ITLN1: variants seen among roughly 807,000 people sequenced by gnomAD.
The protein encoded by ITLN1 is intelectin 1.
In ITLN1, 29 loss-of-function variants were observed where a neutral mutation model predicts 36.2. The observed-to-expected ratio is 0.80, with a 90% CI of 0.60 to 1.09. ITLN1 has a LOEUF of 1.09. Ranked by LOEUF, ITLN1 falls within the 50% of genes least tolerant of loss-of-function variation. The probability of loss-of-function intolerance (pLI) is 0.00; values close to 1 mark genes in which losing one functional copy is unlikely to be tolerated. For synonymous variants in ITLN1, 143 were observed against 146.5 expected (o/e 0.98, Z 0.17); for missense variants, 358 against 405.2 (o/e 0.88, Z 1.00).
In ITLN1 at chr1:160,882,301, T is replaced by A; in HGVS notation, c.158-97A>T. On this transcript the variant is annotated intron_variant, in intron 3 of 7. Transcript: ENST00000326245. ...GGCCCTAGGAACCAGAGACATGGCC[T>A]AAAGGCTCCTGTCCTGACTCACATC... The A allele has an allele frequency of 3.4e-6, 5 of 1,466,116 alleles. No homozygotes were observed. In the South Asian group the frequency reaches 7.0e-5, roughly 20 times the overall value. 90.8% of individuals were successfully genotyped at this position (1,466,116 alleles called of 1,614,324 possible).
chr1:160,881,344 G>T (rs763552510), intron 4 of ITLN1, 32 bp from the exon 5 acceptor site: 19 of 1,535,572 alleles, frequency 1.2e-5, no homozygotes, highest in Non-Finnish European at 1.5e-5. Context: ...GCCTGACTGG[G>T]CCAGGAGGTC....
chr1:160,881,180 C>G lies in ITLN1; in HGVS notation c.538G>C (p.Gly180Arg), dbSNP rs758701428. The change falls in exon 5 of 8, where the codon GGA becomes CGA. Residue 180 changes from glycine to arginine, a missense_variant. Coordinates refer to ENST00000326245, the MANE Select transcript of ITLN1 (RefSeq NM_017625.3). ...TGGTAGATGCCAAACAGATTATGTC[C>G]CAGTGTCTGGAGGAAGCCAGTGTCC... Reference protein sequence around the residue: ...RTDTGFLQTLGHNLFGIYQKY... With the variant: ...RTDTGFLQTLRHNLFGIYQKY... 1 of 1,612,600 alleles carries G rather than the reference C, an allele frequency of 6.2e-7. No homozygotes were observed. The highest frequency in any genetic ancestry group is 8.5e-7 in the Non-Finnish European group (1 of 1,179,134).
At chr1:160,884,944 C>A in intron 1 of ITLN1, 61 bp from the exon 2 acceptor site, 1 of 1,065,996 alleles carries the variant, frequency 9.4e-7, no homozygotes, top group Middle Eastern at 2.0e-4. Context: ...ATCCCTGCCC[C>A]ACCCCTGTCC....
At chr1:160,879,215 C>T (rs1670639286) in intron 7 of ITLN1, 96 bp downstream of exon 7, 2 of 881,404 alleles carry the variant, frequency 2.3e-6, no homozygotes, top group African/African-American at 3.3e-5. Context: ...ACACACACAC[C>T]CCAGTCATAC....
intron 6 of ITLN1, among the ~76,000 whole-genome samples, chr1:160,880,054 C>T (rs770582809): frequency 2.0e-5 from 3 of 152,054 alleles, no homozygotes; most frequent in Non-Finnish European, 4.4e-5. Flanking sequence ...ACCTGTAATC[C>T]CAACACTTTG....
At chr1:160,884,403 T>C (rs1278644579) in intron 2 of ITLN1, among the ~76,000 whole-genome samples, 1 of 150,930 alleles carries the variant, frequency 6.6e-6, no homozygotes, top group Non-Finnish European at 1.5e-5. Flanking sequence ...GCCTTTTCTT[T>C]AAAAAAAAAA....
At position 160,880,646 on chromosome 1, in the gene ITLN1, C is replaced by T; in HGVS notation, c.627G>A (p.Val209=). ...TCTGGGCGTCGCCAAAATCATAGAC[C>T]ACAGGGATCACCGGGCCGTTGTCAG... ...CWTDNGPVIP[V]VYDFGDAQKT... is the part of the protein sequence containing the mutation. Residue 209 remains valine (V), a synonymous_variant, in exon 6 of 8, where the codon GTG becomes GTA. Transcript: ENST00000326245. The T allele has an allele frequency of 1.2e-6, 2 of 1,614,052 alleles. No individual in the cohort carries two copies. The highest frequency in any genetic ancestry group is 8.5e-7 in the Non-Finnish European group (1 of 1,179,962).
At position 160,880,640 on chromosome 1, in the gene ITLN1, A is replaced by G; in HGVS notation, c.633T>C (p.Tyr211=). Residue 211 remains tyrosine (Y), a synonymous_variant, in exon 6 of 8, where the codon TAT becomes TAC. Coordinates refer to ENST00000326245, the MANE Select transcript of ITLN1 (RefSeq NM_017625.3). ...TDNGPVIPVV[Y]DFGDAQKTAS... ...CTGTTTTCTGGGCGTCGCCAAAATC[A>G]TAGACCACAGGGATCACCGGGCCGT... The G allele has an allele frequency of 6.2e-7, 1 of 1,614,186 alleles. No individual in the cohort carries two copies. Among genetic ancestry groups the G allele is most frequent in the Middle Eastern group, 1.6e-4 (1 of 6,062 alleles).
At chr1:160,880,479 G>C in intron 6 of ITLN1, 109 bp downstream of exon 6, 6 of 1,129,728 alleles carry the variant, frequency 5.3e-6, no homozygotes, top group East Asian at 2.4e-5. Context: ...GCAATATAGG[G>C]AACATTACAG....
At position 160,876,831 on chromosome 1, in the gene ITLN1, G is replaced by A. The variant is rs773905684; in HGVS notation, c.790-15C>T. The A allele has an allele frequency of 1.9e-6, 3 of 1,612,836 alleles. No individual in the cohort carries two copies. The highest frequency in any genetic ancestry group is 3.3e-5 in the Admixed American group (2 of 59,760). Reference sequence around the variant, plus strand: ...CCAATGCAGTGCTGGGAAACAAAGAGAGGAAGAGGCAGTAATGAGAGATCT... The same window carrying A: ...CCAATGCAGTGCTGGGAAACAAAGAAAGGAAGAGGCAGTAATGAGAGATCT... On this transcript the variant is annotated splice_polypyrimidine_tract_variant and intron_variant, in intron 7 of 7. Coordinates refer to ENST00000326245, the MANE Select transcript of ITLN1 (RefSeq NM_017625.3).
Position 160,883,494 on chromosome 1 carries a change from A to G in ITLN1, c.91T>C (p.Cys31Arg), listed in dbSNP as rs1305123123. 5 of 1,613,198 alleles carry G rather than the reference A, an allele frequency of 3.1e-6. No homozygotes were observed. In the African/African-American group the frequency reaches 4.0e-5, roughly 13 times the overall value. Residue 31 changes from cysteine to arginine, a missense_variant, in exon 3 of 8, where the codon TGT (cysteine) becomes CGT (arginine). Physicochemically the swap from Cys to Arg is radical, Grantham distance 180. Transcript: ENST00000326245. ...CTGGGCAGAGATGGAGACGAAGAAC[A>G]GGTCCATTCCTTGAAGTAAGTATTA... is the stretch of plus-strand genomic sequence containing the variant. ...EANTYFKEWT[C>R]SSSPSLPRSC...
chr1:160,877,011 G>A (rs553190971), intron 7 of ITLN1, among the ~76,000 whole-genome samples, 195 bp from the exon 8 acceptor site: 1 of 152,194 alleles, frequency 6.6e-6, no homozygotes, highest in Non-Finnish European at 1.5e-5. Flanking sequence ...GCCGAAGAGG[G>A]TGGATCACTT....
At chr1:160,879,606 C>G (rs1195864949) in intron 6 of ITLN1, among the ~76,000 whole-genome samples, 192 bp from the exon 7 acceptor site, 1 of 152,178 alleles carries the variant, frequency 6.6e-6, no homozygotes, top group African/African-American at 2.4e-5. Flanking sequence ...GGGACCTTTT[C>G]CCAACCCCAG....
chr1:160,879,191 A>G, intron 7 of ITLN1, 120 bp downstream of exon 7: 2 of 761,692 alleles, frequency 2.6e-6, no homozygotes, highest in Non-Finnish European at 4.6e-6. Context: ...AGAAGGTCAC[A>G]CTCCCACACA....
chr1:160,884,278 C>G (rs140061349), intron 2 of ITLN1, among the ~76,000 whole-genome samples: 209 of 152,188 alleles, frequency 1.4e-3, no homozygotes, highest in African/African-American at 5.0e-3. Flanking sequence ...ACTATTCGAA[C>G]AGTCTAGGGG....
At chr1:160,878,019 T>C (rs953400490) in intron 7 of ITLN1, among the ~76,000 whole-genome samples, 1 of 152,080 alleles carries the variant, frequency 6.6e-6, no homozygotes, top group African/African-American at 2.4e-5. Flanking sequence ...AACTACAAAA[T>C]TAGCCCAGTG....
At chr1:160,880,429 A>T (rs1372691419) in intron 6 of ITLN1, among the ~76,000 whole-genome samples, 159 bp downstream of exon 6, 1 of 152,210 alleles carries the variant, frequency 6.6e-6, no homozygotes. Flanking sequence ...TGAGGTTAAT[A>T]AAGTTCAGAT....
chr1:160,878,122 C>T (rs1046531882), intron 7 of ITLN1, among the ~76,000 whole-genome samples: 2 of 151,976 alleles, frequency 1.3e-5, no homozygotes, highest in Admixed American at 6.6e-5. Flanking sequence ...GAGCCTAGAT[C>T]GTGCCACTGC....
intron 7 of ITLN1, among the ~76,000 whole-genome samples, chr1:160,877,178 G>A (rs561872664): frequency 3.3e-5 from 5 of 151,980 alleles, no homozygotes; most frequent in African/African-American, 7.3e-5. Flanking sequence ...TGGAGGTTGC[G>A]GTGAGCTTAG....
Sources: allele counts gnomAD v4.1 joint callset (sites outside exome capture counted in the v4.1 genomes callset), GRCh38; gene constraint gnomAD v4.1.1; transcripts MANE v1.5; gene names NCBI Gene and HGNC (gene_info 2026-07-23, HGNC 2026-07-21).